Variants in MSI2 observed in about 807,000 individuals in gnomAD.
The protein encoded by MSI2 is RNA-binding protein Musashi homolog 2.
A neutral mutation model predicts 45.6 loss-of-function variants in MSI2; 17 were observed. That is an observed-to-expected ratio of 0.37 (90% CI 0.26 to 0.56). The LOEUF (loss-of-function observed/expected upper bound fraction) is 0.56. Among genes scored for constraint, MSI2 ranks in the 20% least tolerant of loss-of-function variants. The probability of loss-of-function intolerance (pLI) is 0.77; values close to 1 mark genes in which losing one functional copy is unlikely to be tolerated. For missense variants in MSI2, 293 were observed against 444.2 expected (o/e 0.66, Z 3.06); for synonymous variants, 156 against 158.2 (o/e 0.99, Z 0.11).
intron 6 of MSI2, among the ~76,000 whole-genome samples, chr17:57,504,121 C>T (rs1378067373): frequency 2.0e-5 from 3 of 152,194 alleles, no homozygotes; most frequent in Admixed American, 6.5e-5. Context: ...TTCTCCTCCA[C>T]GGATCCTCCT....
intron 5 of MSI2, among the ~76,000 whole-genome samples, chr17:57,380,305 C>T (rs908813746): frequency 2.6e-4 from 39 of 152,202 alleles, no homozygotes; most frequent in Admixed American, 2.2e-3. Context: ...CCAGAGCGTG[C>T]GTAAATCAAG....
chr17:57,371,234 A>T (rs1598180710), intron 5 of MSI2, among the ~76,000 whole-genome samples: 1 of 152,244 alleles, frequency 6.6e-6, no homozygotes, highest in Non-Finnish European at 1.5e-5. Context: ...TGTTTATTCC[A>T]TTCAGCCAGT....
At chr17:57,527,058 GT>G (rs1176087413) in intron 6 of MSI2, among the ~76,000 whole-genome samples, 3 of 152,068 alleles carry the variant, frequency 2.0e-5, no homozygotes, top group African/African-American at 7.2e-5. Context: ...TTGAAAATAC[GT>G]TTTAAAAAAA....
chr17:57,568,869 G>A (rs572713102), intron 7 of MSI2, among the ~76,000 whole-genome samples: 3 of 152,332 alleles, frequency 2.0e-5, no homozygotes, highest in Non-Finnish European at 1.5e-5. Context: ...GTGTTTATTG[G>A]TGAGAGAGGA....
At position 57,342,263 on chromosome 17, in the gene MSI2, G is replaced by A. The variant is rs138566048; in HGVS notation, c.313-59116G>A. 1.4e-3 allele frequency among the ~76,000 whole-genome samples: 219 copies of A among 152,210 alleles called. 7 individuals are homozygous for A. Among genetic ancestry groups the A allele is most frequent in the South Asian group, 1.7e-3 (8 of 4,814 alleles). On this transcript the variant is annotated intron_variant, in intron 5 of 13. Coordinates refer to ENST00000284073, the MANE Select transcript of MSI2 (RefSeq NM_138962.4). ...ACACCTCTTTGATACATGGACATCC[G>A]GTCCCTCCATCAGCAGGAGGATGGG...
intron 7 of MSI2, among the ~76,000 whole-genome samples, chr17:57,588,363 G>A (rs1249915309): frequency 6.6e-6 from 1 of 152,166 alleles, no homozygotes; most frequent in East Asian, 1.9e-4. Flanking sequence ...GCACTTCTCT[G>A]TCCCTCCCTC....
In MSI2 at chr17:57,523,328, G is replaced by A. The variant is rs915624257; in HGVS notation, c.406-6348G>A. Among the ~76,000 whole-genome samples the A allele has an allele frequency of 6.6e-5, 10 of 152,130 alleles. No homozygotes were observed. In the East Asian group the frequency reaches 9.6e-4, roughly 15 times the overall value. Reference sequence around the variant, plus strand: ...CTCCCAAAGTGTTGGGATTACAGGCGTGAGCCACCACGCCCGGCCTGCATT... The same window carrying A: ...CTCCCAAAGTGTTGGGATTACAGGCATGAGCCACCACGCCCGGCCTGCATT... On this transcript the variant is annotated intron_variant, in intron 6 of 13. Coordinates refer to ENST00000284073, the MANE Select transcript of MSI2 (RefSeq NM_138962.4).
At chr17:57,289,215 T>C (rs1216343773) in intron 5 of MSI2, among the ~76,000 whole-genome samples, 1 of 152,158 alleles carries the variant, frequency 6.6e-6, no homozygotes, top group African/African-American at 2.4e-5. Context: ...CTGCTGGTCT[T>C]CCCTTTTGGT....
chr17:57,262,115 C>G, intron 4 of MSI2, 36 bp from the exon 5 acceptor site: 1 of 1,611,434 alleles, frequency 6.2e-7, no homozygotes, highest in South Asian at 1.1e-5. Flanking sequence ...CCTTAAAGTA[C>G]TTTATTGACT....
intron 7 of MSI2, among the ~76,000 whole-genome samples, chr17:57,580,603 G>C (rs1296994190): frequency 6.6e-6 from 1 of 152,204 alleles, no homozygotes; most frequent in African/African-American, 2.4e-5. Context: ...ATCAGGCCAG[G>C]CTAAAGCAAT....
intron 5 of MSI2, among the ~76,000 whole-genome samples, chr17:57,328,908 A>G (rs757667536): frequency 7.9e-5 from 12 of 151,986 alleles, no homozygotes; most frequent in Non-Finnish European, 1.3e-4. Flanking sequence ...CTGATTCCTC[A>G]GTCATTAGGT....
At chr17:57,496,840 T>C (rs974056385) in intron 6 of MSI2, among the ~76,000 whole-genome samples, 1 of 152,244 alleles carries the variant, frequency 6.6e-6, no homozygotes, top group Non-Finnish European at 1.5e-5. Context: ...ATTTTTATTA[T>C]CATTTTTCAT....
intron 5 of MSI2, among the ~76,000 whole-genome samples, chr17:57,380,894 G>C (rs1050070787): frequency 6.6e-6 from 1 of 151,984 alleles, no homozygotes; most frequent in African/African-American, 2.4e-5. Flanking sequence ...TTTCTCTCTG[G>C]TGGTCTGTCT....
At chr17:57,654,525 C>T (rs548444727) in intron 11 of MSI2, among the ~76,000 whole-genome samples, 5 of 152,188 alleles carry the variant, frequency 3.3e-5, no homozygotes, top group Non-Finnish European at 7.3e-5. Context: ...CTCTGAATTT[C>T]GAAGACCACA....
intron 6 of MSI2, among the ~76,000 whole-genome samples, chr17:57,518,261 A>C (rs1203599068): frequency 6.6e-6 from 1 of 152,170 alleles, no homozygotes; most frequent in African/African-American, 2.4e-5. Flanking sequence ...CAGATGGCCC[A>C]TGGGATTAAA....
chr17:57,412,356 T>C (rs2084213412), intron 6 of MSI2, among the ~76,000 whole-genome samples: 1 of 152,126 alleles, frequency 6.6e-6, no homozygotes, highest in Non-Finnish European at 1.5e-5. Flanking sequence ...TAAAATATTT[T>C]ATATTAGAAC....
intron 11 of MSI2, among the ~76,000 whole-genome samples, chr17:57,663,526 A>C (rs781349022): frequency 6.6e-6 from 1 of 152,124 alleles, no homozygotes; most frequent in Non-Finnish European, 1.5e-5. Context: ...GGAGAAGAGG[A>C]GAGGCTCAGT....
chr17:57,423,203 A>G (rs960465199), intron 6 of MSI2, among the ~76,000 whole-genome samples: 16 of 152,332 alleles, frequency 1.1e-4, no homozygotes, highest in African/African-American at 2.9e-4. Context: ...AAATTAATGG[A>G]ATTAAATTTC....
chr17:57,692,956 C>T, the MSI2 span, among the ~76,000 whole-genome samples: 983 of 133,332 alleles, frequency 7.4e-3, 11 homozygotes, highest in African/African-American at 0.026. Flanking sequence ...GCTTGAGATT[C>T]TTTGAACTTC....
Sources: allele counts gnomAD v4.1 joint callset (sites outside exome capture counted in the v4.1 genomes callset), GRCh38; gene constraint gnomAD v4.1.1; transcripts MANE v1.5; gene names NCBI Gene and HGNC (gene_info 2026-07-23, HGNC 2026-07-21).